The following RHAG variants were observed in gnomAD, a reference collection of about 807,000 sequenced individuals.
The protein encoded by RHAG is Rh associated glycoprotein.
RHAG carries 25 observed loss-of-function variants against 42.4 expected under a neutral mutation model. The observed-to-expected ratio is 0.59, with a 90% CI of 0.43 to 0.82. The LOEUF is 0.82. Ranked by LOEUF, RHAG falls within the 40% of genes least tolerant of loss-of-function variation. The pLI is 0.00. For missense variants in RHAG, 483 were observed against 504.6 expected, an observed-to-expected ratio of 0.96 and a Z score of 0.41; for synonymous variants, 182 against 177.7, an observed-to-expected ratio of 1.02 and a Z score of -0.19.
At chr6:49,618,273 C>T (rs1762688617) in intron 2 of RHAG, 55 bp from the exon 3 acceptor site, 3 of 1,599,684 alleles carry the variant, frequency 1.9e-6, no homozygotes, top group Admixed American at 1.7e-5. Context: ...ATAAAACTGA[C>T]CAAAGTGCAA....
Position 49,619,281 on chromosome 6 carries a change from A to T in RHAG, c.239T>A (p.Val80Glu). The change falls in exon 2 of 10, where the codon GTG becomes GAG. Residue 80 changes from valine to glutamate, a missense_variant. Transcript: ENST00000371175. The part of the protein sequence containing the change: ...TFLKKYGFSS[V>E]GINLLVAALG... ...AGCAGCAACGAGTAGGTTGATACCC[A>T]CACTGCTGAAGCCATATTTCTTCAG... is the stretch of plus-strand genomic sequence containing the variant. The T allele has an allele frequency of 1.9e-6, 3 of 1,614,146 alleles. No individual in the cohort carries two copies. Among genetic ancestry groups the T allele is most frequent in the Non-Finnish European group, 2.5e-6 (3 of 1,179,988 alleles).
chr6:49,619,502 G>T, intron 1 of RHAG, 140 bp from the exon 2 acceptor site: 1 of 874,528 alleles, frequency 1.1e-6, no homozygotes, highest in Non-Finnish European at 1.8e-6. Context: ...GGAAGCAAAA[G>T]TCTTGTTCCA....
chr6:49,616,840 A>G (rs564522980), intron 3 of RHAG, among the ~76,000 whole-genome samples: 25 of 152,278 alleles, frequency 1.6e-4, no homozygotes, highest in Admixed American at 1.5e-3. Flanking sequence ...CCTCCCAGCA[A>G]CACTTAGTCC....
At chr6:49,633,653 C>T (rs1446853972) in intron 1 of RHAG, among the ~76,000 whole-genome samples, 7 of 152,066 alleles carry the variant, frequency 4.6e-5, no homozygotes, top group Admixed American at 2.6e-4. Context: ...TGATGGCTAC[C>T]TTTCATGTAA....
At chr6:49,630,807 A>G (rs1407530118) in intron 1 of RHAG, among the ~76,000 whole-genome samples, 4 of 152,204 alleles carry the variant, frequency 2.6e-5, no homozygotes, top group Non-Finnish European at 5.9e-5. Flanking sequence ...GTATAATAAT[A>G]TGACCTAACA....
In RHAG at chr6:49,615,052, ATTC is replaced by A. The variant is rs546471134; in HGVS notation, c.641-202_641-200del. The A allele has an allele frequency of 1.3e-3, 751 of 559,438 alleles. 5 individuals are homozygous for A. The highest frequency in any genetic ancestry group is 0.013 in the African/African-American group (674 of 53,326). The allele number at this position is 559,438 out of a possible 1,614,324, so 34.7% of individuals were successfully genotyped here. A position where few individuals can be genotyped will look rare whatever the true frequency, so the allele number is the denominator to read the frequency against. Reference sequence around the variant, plus strand: ...AACTTCCACCTCTCAGGTTCAAGCAATTCTTCTGCTTCAGCCTCCTGAGTAGCT... The same window carrying A: ...AACTTCCACCTCTCAGGTTCAAGCAATTCTGCTTCAGCCTCCTGAGTAGCT... On this transcript the variant is annotated intron_variant, in intron 4 of 9. Transcript: ENST00000371175.
At position 49,636,660 on chromosome 6, in the gene RHAG, A is replaced by G; in HGVS notation, c.153T>C (p.Tyr51=). 1.2e-6 allele frequency: 2 copies of G among 1,613,932 alleles called. No homozygotes were observed. The highest frequency in any genetic ancestry group is 1.7e-6 in the Non-Finnish European group (2 of 1,179,768). The change falls in exon 1 of 10, where the codon TAT becomes TAC. Residue 51 remains tyrosine (Y), a synonymous_variant. Transcript: ENST00000371175. ...PTDMGIFFEL[Y]PLFQDVHVMI... is the part of the protein sequence containing the mutation. ...AGTAGTAAATTGCCTACTCACGAGG[A>G]TATAACTCAAAGAATATGCCCATGT... is the stretch of plus-strand genomic sequence containing the variant.
intron 1 of RHAG, among the ~76,000 whole-genome samples, chr6:49,632,780 A>T (rs1043010822): frequency 6.6e-6 from 1 of 152,172 alleles, no homozygotes; most frequent in Non-Finnish European, 1.5e-5. Context: ...AATAAAATGT[A>T]AGCAGTCCCC....
Position 49,614,678 on chromosome 6 carries a change from G to T in RHAG, c.807+9C>A, listed in dbSNP as rs760011620. ...GCAAAATTTCCATGAGGGCTAAGGC[G>T]GCACTTACCATGTTGAGCTTGCCTC... On this transcript the variant is annotated intron_variant, in intron 5 of 9. Transcript: ENST00000371175. 3 of 1,613,064 alleles carry T rather than the reference G, an allele frequency of 1.9e-6. No homozygotes were observed. The Admixed American group carries it at 5.0e-5, about 27-fold the overall frequency.
chr6:49,635,562 C>A (rs1762997971), intron 1 of RHAG, among the ~76,000 whole-genome samples: 1 of 152,036 alleles, frequency 6.6e-6, no homozygotes, highest in Non-Finnish European at 1.5e-5. Context: ...AACTATAAAA[C>A]TTATTTAATC....
intron 3 of RHAG, among the ~76,000 whole-genome samples, chr6:49,616,105 A>C (rs1562014431): frequency 6.6e-6 from 1 of 152,302 alleles, no homozygotes; most frequent in Non-Finnish European, 1.5e-5. Flanking sequence ...CTTAGATAAG[A>C]ACATATTTCT....
chr6:49,610,981 A>T, intron 7 of RHAG, 43 bp downstream of exon 7: 1 of 1,612,838 alleles, frequency 6.2e-7, no homozygotes, highest in Non-Finnish European at 8.5e-7. Context: ...GAGAGAAAAC[A>T]TCATGGGACC....
chr6:49,617,249 G>A (rs1022089283), intron 3 of RHAG, among the ~76,000 whole-genome samples: 27 of 152,106 alleles, frequency 1.8e-4, no homozygotes, highest in African/African-American at 3.6e-4. Context: ...TAGGTCCAGC[G>A]TAACTGTCAC....
rs758584645 is a variant in RHAG at position 49,605,882 on chromosome 6, T to G, written c.1213-52A>C. 1.2e-5 allele frequency: 17 copies of G among 1,453,604 alleles called. No homozygotes were observed. In the African/African-American group the frequency reaches 2.4e-4, roughly 20 times the overall value. The allele number at this position is 1,453,604 out of a possible 1,614,324, so 90.0% of individuals were successfully genotyped here. A position where few individuals can be genotyped will look rare whatever the true frequency, so the allele number is the denominator to read the frequency against. On this transcript the variant is annotated intron_variant, in intron 9 of 9. Transcript: ENST00000371175. Reference sequence around the variant, plus strand: ...TTAATAGTTTATTTCACTGTTCTTGTCAGAAATTAGTATTGAAACAAAAAT... The same window carrying G: ...TTAATAGTTTATTTCACTGTTCTTGGCAGAAATTAGTATTGAAACAAAAAT...
intron 7 of RHAG, among the ~76,000 whole-genome samples, chr6:49,609,024 T>A (rs902065801): frequency 3.9e-5 from 6 of 152,190 alleles, no homozygotes; most frequent in African/African-American, 1.4e-4. Flanking sequence ...ACAGCATTAC[T>A]AGAGTTATGC....
intron 1 of RHAG, among the ~76,000 whole-genome samples, chr6:49,634,216 A>G (rs2127359512): frequency 6.6e-6 from 1 of 152,226 alleles, no homozygotes; most frequent in South Asian, 2.1e-4. Flanking sequence ...CAAACACTAG[A>G]ACTTTTTCCT....
At chr6:49,616,149 T>C (rs1333956967) in intron 3 of RHAG, among the ~76,000 whole-genome samples, 6 of 152,150 alleles carry the variant, frequency 3.9e-5, no homozygotes, top group African/African-American at 1.4e-4. Context: ...ACACAAGACA[T>C]GCAAGGTTGC....
At position 49,636,647 on chromosome 6, in the gene RHAG, C is replaced by T; in HGVS notation, c.157+9G>A. The T allele has an allele frequency of 6.2e-7, 1 of 1,613,552 alleles. No individual in the cohort carries two copies. The highest frequency in any genetic ancestry group is 1.1e-5 in the South Asian group (1 of 91,076). ...AAAATGTATAGTAAGTAGTAAATTG[C>T]CTACTCACGAGGATATAACTCAAAG... On this transcript the variant is annotated intron_variant, in intron 1 of 9. Coordinates refer to ENST00000371175, the MANE Select transcript of RHAG (RefSeq NM_000324.3).
intron 1 of RHAG, among the ~76,000 whole-genome samples, chr6:49,633,517 C>T (rs1762964189): frequency 6.6e-6 from 1 of 152,030 alleles, no homozygotes; most frequent in African/African-American, 2.4e-5. Context: ...CAATTTTAAG[C>T]AGGAATAATA....
Sources: gnomAD v4.1 joint callset for allele counts (sites outside exome capture counted in the v4.1 genomes callset) on GRCh38, gnomAD v4.1.1 for gene constraint, MANE v1.5 for transcripts, NCBI Gene and HGNC (gene_info 2026-07-23, HGNC 2026-07-21) for gene names.